Variants in LAMA4 observed in about 807,000 individuals in gnomAD.
The protein encoded by LAMA4 is laminin subunit alpha-4.
LAMA4 carries 127 observed loss-of-function variants against 207.1 expected under a neutral mutation model. The ratio of observed to expected loss-of-function variants is 0.61; its 90% confidence interval spans 0.53 to 0.71. The LOEUF (loss-of-function observed/expected upper bound fraction) is 0.71, where lower values mean the gene tolerates loss of function less well. Among genes scored for constraint, LAMA4 ranks in the 30% least tolerant of loss-of-function variants. The pLI is 0.00. For synonymous variants in LAMA4, 761 were observed against 816.0 expected, an observed-to-expected ratio of 0.93 and a Z score of 1.15; for missense variants, 2,093 against 2,246.5, an observed-to-expected ratio of 0.93 and a Z score of 1.38.
intron 18 of LAMA4, among the ~76,000 whole-genome samples, chr6:112,146,338 TCAAAA>T (rs1179115010): frequency 2.7e-5 from 4 of 150,582 alleles, no homozygotes; most frequent in Admixed American, 2.0e-4. Context: ...TGAGAGAAAC[TCAAAA>T]CAAAGAGAAT....
intron 35 of LAMA4, 86 bp from the exon 36 acceptor site, chr6:112,116,079 A>G: frequency 7.3e-7 from 1 of 1,364,598 alleles, no homozygotes; most frequent in South Asian, 1.2e-5. Context: ...ATATATTTTT[A>G]TCTGTTTTTG....
At chr6:112,210,111 G>A (rs373656562) in intron 3 of LAMA4, among the ~76,000 whole-genome samples, 1 of 151,932 alleles carries the variant, frequency 6.6e-6, no homozygotes, top group Admixed American at 6.6e-5. Flanking sequence ...TAAGTTTCCT[G>A]AGGCCTCCTC....
intron 10 of LAMA4, among the ~76,000 whole-genome samples, chr6:112,176,935 A>G (rs1274999773): frequency 1.3e-5 from 2 of 152,210 alleles, no homozygotes; most frequent in Non-Finnish European, 2.9e-5. Context: ...TTGCAAATGA[A>G]ACACTTTTGA....
intron 6 of LAMA4, among the ~76,000 whole-genome samples, chr6:112,190,814 G>T (rs1782973635): frequency 6.6e-6 from 1 of 152,276 alleles, no homozygotes; most frequent in South Asian, 2.1e-4. Context: ...AAACATAACT[G>T]AACGAGAGAT....
intron 2 of LAMA4, among the ~76,000 whole-genome samples, chr6:112,224,130 G>A (rs1015153628): frequency 1.3e-5 from 2 of 152,176 alleles, no homozygotes; most frequent in Admixed American, 6.5e-5. Flanking sequence ...CACATCCACA[G>A]GGATGAGGGG....
intron 24 of LAMA4, among the ~76,000 whole-genome samples, chr6:112,138,486 A>G (rs887420088): frequency 6.6e-6 from 1 of 152,194 alleles, no homozygotes; most frequent in African/African-American, 2.4e-5. Flanking sequence ...TTTTCTCACT[A>G]AAACTATTTT....
chr6:112,146,024 T>A (rs1195889180), intron 18 of LAMA4, among the ~76,000 whole-genome samples: 1 of 152,184 alleles, frequency 6.6e-6, no homozygotes, highest in African/African-American at 2.4e-5. Context: ...GCTTGATGGC[T>A]CACACCTGTA....
intron 31 of LAMA4, among the ~76,000 whole-genome samples, chr6:112,128,721 A>G (rs555612671): frequency 9.8e-5 from 15 of 152,294 alleles, no homozygotes; most frequent in Admixed American, 9.8e-4. Flanking sequence ...CTACATTTCA[A>G]TAAAAAATAA....
chr6:112,248,890 C>T (rs1787207605), intron 2 of LAMA4, among the ~76,000 whole-genome samples: 1 of 152,122 alleles, frequency 6.6e-6, no homozygotes, highest in Non-Finnish European at 1.5e-5. Context: ...AAGGTAATTA[C>T]CACTCTTAAA....
intron 2 of LAMA4, among the ~76,000 whole-genome samples, chr6:112,245,919 T>C (rs1786881942): frequency 6.6e-6 from 1 of 152,220 alleles, no homozygotes; most frequent in Non-Finnish European, 1.5e-5. Flanking sequence ...TTTTTCTTTA[T>C]GGAGAGGATT....
At chr6:112,196,167 G>C (rs1346112162) in intron 5 of LAMA4, among the ~76,000 whole-genome samples, 1 of 151,954 alleles carries the variant, frequency 6.6e-6, no homozygotes, top group Non-Finnish European at 1.5e-5. Context: ...TATCATTTCT[G>C]TGTATTGTGA....
intron 30 of LAMA4, among the ~76,000 whole-genome samples, 161 bp downstream of exon 30, chr6:112,129,715 C>G (rs1199302147): frequency 6.6e-6 from 1 of 152,144 alleles, no homozygotes; most frequent in Non-Finnish European, 1.5e-5. Flanking sequence ...AGAACCTACA[C>G]AGAAACCCAA....
rs1414420346 is a variant in LAMA4, at chr6:112,108,938, A to T, written c.*499T>A. ...TATAAACCTAAAATATTCTTCTTAT[A>T]CTGATAGACCAAACAAAAGGGCTAA... On this transcript the variant is annotated 3_prime_UTR_variant, in exon 39 of 39. Coordinates refer to ENST00000230538, the MANE Select transcript of LAMA4 (RefSeq NM_001105206.3). 1 of 163,426 alleles carries T rather than the reference A, an allele frequency of 6.1e-6. No individual in the cohort carries two copies. The highest frequency in any genetic ancestry group is 1.3e-5 in the Non-Finnish European group (1 of 74,576). 10.1% of individuals were successfully genotyped at this position (163,426 alleles called of 1,614,324 possible).
intron 6 of LAMA4, among the ~76,000 whole-genome samples, chr6:112,190,888 T>C (rs891269680): frequency 9.3e-5 from 6 of 64,260 alleles, no homozygotes; most frequent in Admixed American, 1.8e-4. Flanking sequence ...TCTTTCTTTC[T>C]TTCTTTCTTT....
At chr6:112,211,481 T>C (rs1419268373) in intron 3 of LAMA4, among the ~76,000 whole-genome samples, 1 of 152,204 alleles carries the variant, frequency 6.6e-6, no homozygotes, top group Non-Finnish European at 1.5e-5. Flanking sequence ...ATGAGCCATA[T>C]CTGTTATTAA....
chr6:112,140,693 G>GT (rs1779637553), intron 22 of LAMA4, 67 bp downstream of exon 22: 2 of 1,468,204 alleles, frequency 1.4e-6, no homozygotes. Context: ...GTCATTATAG[G>GT]TTTATGGATT....
chr6:112,200,534 A>G (rs1372755699), intron 5 of LAMA4, among the ~76,000 whole-genome samples: 1 of 152,236 alleles, frequency 6.6e-6, no homozygotes. Context: ...ATTACTGGGT[A>G]TATACCCAAA....
At chr6:112,186,733 CTTTTT>C (rs1562708568) in intron 8 of LAMA4, 1 of 447,458 alleles carries the variant, frequency 2.2e-6, no homozygotes, top group East Asian at 7.0e-5. Context: ...CTGTATTTTT[CTTTTT>C]TAATTGTTGC....
chr6:112,169,463 T>G (rs531938867), intron 12 of LAMA4, among the ~76,000 whole-genome samples: 1 of 152,292 alleles, frequency 6.6e-6, no homozygotes, highest in South Asian at 2.1e-4. Context: ...TGGGGCTCAG[T>G]TTTGAATAAG....
Sources: allele counts gnomAD v4.1 joint callset (sites outside exome capture counted in the v4.1 genomes callset), GRCh38; gene constraint gnomAD v4.1.1; transcripts MANE v1.5; gene names NCBI Gene and HGNC (gene_info 2026-07-23, HGNC 2026-07-21).